PLCG2: variants seen among roughly 807,000 people sequenced by gnomAD.
PLCG2 encodes the protein 1-phosphatidylinositol 4,5-bisphosphate phosphodiesterase gamma-2.
Under a neutral mutation model 175.6 loss-of-function variants are expected in PLCG2, and 69 were observed. The ratio of observed to expected loss-of-function variants is 0.39; its 90% CI spans 0.32 to 0.48. The LOEUF (loss-of-function observed/expected upper bound fraction) is 0.48. Among genes scored for constraint, PLCG2 ranks in the 20% least tolerant of loss-of-function variants. The probability of loss-of-function intolerance (pLI) is 0.91; values close to 1 mark genes in which losing one functional copy is unlikely to be tolerated. For synonymous variants in PLCG2, 827 were observed against 624.0 expected (o/e 1.33, Z -4.85); for missense variants, 1,798 against 1,650.9 (o/e 1.09, Z -1.54).
At chr16:81,957,504 A>G (rs1911622127) in intron 32 of PLCG2, among the ~76,000 whole-genome samples, 1 of 152,176 alleles carries the variant, frequency 6.6e-6, no homozygotes, top group Non-Finnish European at 1.5e-5. Flanking sequence ...GTTTCCAAGA[A>G]TGGGCTAGTC....
intron 2 of PLCG2, among the ~76,000 whole-genome samples, chr16:81,803,285 A>AT (rs557411137): frequency 6.6e-5 from 10 of 151,328 alleles, no homozygotes; most frequent in East Asian, 1.9e-4. Flanking sequence ...CGCCTGTCTA[A>AT]TTTTTTTTGT....
intron 2 of PLCG2, among the ~76,000 whole-genome samples, chr16:81,809,852 A>G (rs1366409244): frequency 1.3e-5 from 2 of 150,020 alleles, no homozygotes; most frequent in African/African-American, 2.4e-5. Flanking sequence ...GTCAGAAACC[A>G]GCTCAAGCAA....
chr16:81,837,273 G>T (rs973747652), intron 2 of PLCG2, among the ~76,000 whole-genome samples: 3 of 152,228 alleles, frequency 2.0e-5, no homozygotes, highest in Non-Finnish European at 2.9e-5. Context: ...TCTTCTGCCA[G>T]TTCTCAGACT....
At chr16:81,814,711 A>G (rs1278218328) in intron 2 of PLCG2, among the ~76,000 whole-genome samples, 1 of 151,840 alleles carries the variant, frequency 6.6e-6, no homozygotes, top group Non-Finnish European at 1.5e-5. Context: ...AAAAAAAAAG[A>G]CACCCTGGGG....
At position 81,900,738 on chromosome 16, in the gene PLCG2, G is replaced by A; in HGVS notation, c.1320G>A (p.Gln440=). ...AGCCCACGGAGGCCAGTGCTGACCA[G>A]CTGCCCTCGCCCAGCCAGCTGCGGG... The part of the protein sequence containing the change: ...LTKPTEASAD[Q]LPSPSQLREK... Residue 440 remains glutamine (Q), a synonymous_variant, in exon 14 of 33, where the codon CAG becomes CAA. Transcript: ENST00000564138. 1 of 1,607,860 alleles carries A rather than the reference G, an allele frequency of 6.2e-7. No individual in the cohort carries two copies. The highest frequency in any genetic ancestry group is 1.3e-5 in the African/African-American group (1 of 74,978).
intron 2 of PLCG2, among the ~76,000 whole-genome samples, chr16:81,799,200 C>G (rs761460875): frequency 1.8e-4 from 28 of 152,324 alleles, no homozygotes; most frequent in Non-Finnish European, 3.5e-4. Context: ...TAACCTACTT[C>G]TGGGTGAGAA....
At chr16:81,884,379 C>G (rs1018645266) in intron 9 of PLCG2, among the ~76,000 whole-genome samples, 1 of 151,622 alleles carries the variant, frequency 6.6e-6, no homozygotes, top group African/African-American at 2.4e-5. Context: ...ACACCCCCAC[C>G]CCACCAAAAA....
At chr16:81,831,258 C>T (rs1432624823) in intron 2 of PLCG2, among the ~76,000 whole-genome samples, 2 of 152,194 alleles carry the variant, frequency 1.3e-5, no homozygotes, top group Admixed American at 6.5e-5. Context: ...GGAATTTGGT[C>T]TGTTTTATTC....
rs1308956977 is a variant in PLCG2, at chr16:81,860,171, TA to T, written c.479+1009del. Among the ~76,000 whole-genome samples the T allele has an allele frequency of 7.8e-3, 707 of 90,282 alleles. 4 individuals carry two copies. The highest frequency in any genetic ancestry group is 0.011 in the Non-Finnish European group (451 of 39,310). The allele number at this position is 90,282 out of a possible 152,430, so 59.2% of individuals were successfully genotyped here. Reference sequence around the variant, plus strand: ...TTATTATTATTATTATTATTATTATTATTTTTTTTTTTTTTTGTAAAGGTGA... The same window carrying T: ...TTATTATTATTATTATTATTATTATTTTTTTTTTTTTTTTTGTAAAGGTGA... On this transcript the variant is annotated intron_variant, in intron 5 of 32. Transcript: ENST00000564138.
rs769292122 is a variant in PLCG2, at chr16:81,768,552, G to GTTTT, written c.-48+12610_-48+12613dup. On this transcript the variant is annotated intron_variant, in intron 2 of 5. Coordinates refer to the PLCG2 transcript ENST00000565054. Reference sequence around the variant, plus strand: ...TCACCAGCACTCGGTGTTATCCTCAGTTTTTTTTTTTTTTTTTTTTTTTTT... The same window carrying GTTTT: ...TCACCAGCACTCGGTGTTATCCTCAGTTTTTTTTTTTTTTTTTTTTTTTTTTTTT... Among the ~76,000 whole-genome samples the GTTTT allele has an allele frequency of 5.5e-4, 58 of 105,414 alleles. 6 individuals are homozygous for GTTTT. The highest frequency in any genetic ancestry group is 1.7e-3 in the African/African-American group (42 of 24,622). The allele number at this position is 105,414 out of a possible 152,430, so 69.2% of individuals were successfully genotyped here. A position where few individuals can be genotyped will look rare whatever the true frequency, so the allele number is the denominator to read the frequency against.
In PLCG2 at chr16:81,841,896, G is replaced by A. The variant is rs145769258; in HGVS notation, c.194-12548G>A. Among the ~76,000 whole-genome samples, 3 of 152,330 alleles carry A rather than the reference G, an allele frequency of 2.0e-5. No individual in the cohort carries two copies. In the East Asian group the frequency reaches 5.8e-4, roughly 29 times the overall value. On this transcript the variant is annotated intron_variant, in intron 2 of 32. Transcript: ENST00000564138. ...GGCTGAGATCAGTAAGCAACGCTGG[G>A]GCTTTTTACTTAAAGTGAAACCACC... is the stretch of plus-strand genomic sequence containing the variant.
At chr16:81,918,685 A>G (rs185811797) in intron 19 of PLCG2, among the ~76,000 whole-genome samples, 3 of 152,262 alleles carry the variant, frequency 2.0e-5, no homozygotes, top group Admixed American at 6.5e-5. Flanking sequence ...ATAGTGTGCT[A>G]TCTGCAGCTT....
At chr16:81,918,447 C>G (rs981946782) in intron 19 of PLCG2, among the ~76,000 whole-genome samples, 2 of 152,100 alleles carry the variant, frequency 1.3e-5, no homozygotes, top group Non-Finnish European at 2.9e-5. Context: ...GAATTTATTT[C>G]AAAATTCTTT....
Position 81,935,911 on chromosome 16 carries a change from A to T in PLCG2, c.2843-258A>T, listed in dbSNP as rs182485826. The T allele has an allele frequency of 4.9e-3, 4,230 of 868,788 alleles. 7 individuals are homozygous for T. Among genetic ancestry groups the T allele is most frequent in the Non-Finnish European group, 5.5e-3 (3,976 of 725,132 alleles). The allele number at this position is 868,788 out of a possible 1,614,324, so 53.8% of individuals were successfully genotyped here. A position where few individuals can be genotyped will look rare whatever the true frequency, so the allele number is the denominator to read the frequency against. On this transcript the variant is annotated intron_variant, in intron 26 of 32. Coordinates refer to ENST00000564138, the MANE Select transcript of PLCG2 (RefSeq NM_002661.5). ...TCTTGTTCAAGGATGGTGATAGTTT[A>T]AAAAAAAAAGTAAATTACAGTAATT...
chr16:81,931,304 T>C, intron 24 of PLCG2, 193 bp from the exon 25 acceptor site: 1 of 470,768 alleles, frequency 2.1e-6, no homozygotes, highest in Non-Finnish European at 3.8e-6. Context: ...CCCTACTGAA[T>C]CTACTGCATC....
At position 81,921,206 on chromosome 16, in the gene PLCG2, T is replaced by C; in HGVS notation, c.2244T>C (p.Asp748=). 6.3e-7 allele frequency: 1 copy of C among 1,586,622 alleles called. No homozygotes were observed. The highest frequency in any genetic ancestry group is 8.7e-7 in the Non-Finnish European group (1 of 1,154,914). Residue 748 remains aspartate (D), a synonymous_variant, in exon 21 of 33, where the codon GAT becomes GAC. Coordinates refer to ENST00000564138, the MANE Select transcript of PLCG2 (RefSeq NM_002661.5). ...ELLERYNMER[D]INSLYDVSRM... is the part of the protein sequence containing the mutation. ...TTTCTTTTTTTTTCCAGGAAAGAGATATAAACTCCCTCTACGACGTCAGCA... is the reference window on the plus strand; with the variant it reads ...TTTCTTTTTTTTTCCAGGAAAGAGACATAAACTCCCTCTACGACGTCAGCA...
intron 10 of PLCG2, among the ~76,000 whole-genome samples, chr16:81,890,825 G>T (rs955213918): frequency 1.3e-5 from 2 of 152,144 alleles, no homozygotes; most frequent in African/African-American, 4.8e-5. Flanking sequence ...TTCTTAAGTT[G>T]GGTCGTGGGT....
chr16:81,840,541 T>C (rs1416854152), intron 2 of PLCG2, among the ~76,000 whole-genome samples: 1 of 151,850 alleles, frequency 6.6e-6, no homozygotes, highest in Admixed American at 6.6e-5. Flanking sequence ...TATCTGGGAG[T>C]GATGGGAGAC....
chr16:81,873,819 A>G (rs923572986), intron 7 of PLCG2, among the ~76,000 whole-genome samples: 6 of 152,196 alleles, frequency 3.9e-5, no homozygotes, highest in African/African-American at 1.4e-4. Context: ...AAGCTGTTTC[A>G]CCTGCTACCA....
Sources: allele counts gnomAD v4.1 joint callset (sites outside exome capture counted in the v4.1 genomes callset), GRCh38; gene constraint gnomAD v4.1.1; transcripts MANE v1.5; gene names NCBI Gene and HGNC (gene_info 2026-07-23, HGNC 2026-07-21).